Variants in EYS observed in about 807,000 individuals in gnomAD.
EYS encodes the protein EGF-like photoreceptor maintenance factor, also known as protein eyes shut homolog.
A neutral mutation model predicts 282.1 loss-of-function variants in EYS; 250 were observed. That is an observed-to-expected ratio of 0.89 (90% confidence interval 0.80 to 0.98). The LOEUF (loss-of-function observed/expected upper bound fraction) is 0.98. Ranked by LOEUF, EYS falls within the 50% of genes least tolerant of loss-of-function variation. The pLI is 0.00. For synonymous variants in EYS, 1,355 were observed against 1,282.9 expected (o/e 1.06, Z -1.20); for missense variants, 4,016 against 3,709.0 (o/e 1.08, Z -2.15).
intron 5 of EYS, among the ~76,000 whole-genome samples, chr6:65,412,556 C>T (rs975124230): frequency 1.3e-5 from 2 of 151,946 alleles, no homozygotes; most frequent in Admixed American, 6.6e-5. Flanking sequence ...ATTATTGTGG[C>T]CTTAATTTGC....
intron 14 of EYS, among the ~76,000 whole-genome samples, chr6:64,965,157 A>AT (rs1292537399): frequency 2.0e-5 from 3 of 152,200 alleles, no homozygotes; most frequent in Non-Finnish European, 2.9e-5. Flanking sequence ...CAGAAAATTC[A>AT]TGTAGTCTTT....
intron 2 of EYS, among the ~76,000 whole-genome samples, chr6:65,618,779 C>A (rs1251404428): frequency 6.6e-6 from 1 of 152,136 alleles, no homozygotes; most frequent in East Asian, 1.9e-4. Flanking sequence ...TATGGCTAGC[C>A]AGTTTCCCAG....
chr6:64,681,713 C>T (rs1051644274), intron 22 of EYS, among the ~76,000 whole-genome samples: 10 of 152,130 alleles, frequency 6.6e-5, no homozygotes, highest in African/African-American at 2.4e-4. Flanking sequence ...ACAGGAGAGA[C>T]CGACAAGGTT....
intron 30 of EYS, among the ~76,000 whole-genome samples, chr6:64,304,003 C>T (rs1769340764): frequency 6.6e-6 from 1 of 152,154 alleles, no homozygotes; most frequent in Admixed American, 6.5e-5. Flanking sequence ...TTTTGATCAT[C>T]GTGGGTGAAT....
At chr6:64,774,964 G>A (rs985168016) in intron 22 of EYS, among the ~76,000 whole-genome samples, 4 of 151,662 alleles carry the variant, frequency 2.6e-5, no homozygotes, top group Non-Finnish European at 5.9e-5. Context: ...ACTCGTTTTT[G>A]TCACTAGGGA....
chr6:64,671,844 A>G (rs1769472710), intron 22 of EYS, among the ~76,000 whole-genome samples: 1 of 152,166 alleles, frequency 6.6e-6, no homozygotes, highest in South Asian at 2.1e-4. Context: ...TGATATGCAC[A>G]TGATTTTCTA....
chr6:64,975,856 C>G (rs750422352), intron 14 of EYS, among the ~76,000 whole-genome samples: 4 of 151,496 alleles, frequency 2.6e-5, no homozygotes, highest in Admixed American at 6.6e-5. Context: ...AATGAAATGC[C>G]TATTTAAATA....
chr6:65,212,303 G>A (rs528434769), intron 12 of EYS, among the ~76,000 whole-genome samples: 1 of 152,100 alleles, frequency 6.6e-6, no homozygotes, highest in Admixed American at 6.5e-5. Context: ...AGAATGAAAG[G>A]TATTTTCCAG....
chr6:64,288,110 A>G (rs951558897), intron 30 of EYS, among the ~76,000 whole-genome samples: 2 of 152,154 alleles, frequency 1.3e-5, no homozygotes, highest in African/African-American at 4.8e-5. Context: ...TCTTTCATGC[A>G]TTTCATGGAT....
At position 64,827,401 on chromosome 6, in the gene EYS, T is replaced by G. The variant is rs564589972; in HGVS notation, c.2993-4579A>C. Among the ~76,000 whole-genome samples, 3 of 152,004 alleles carry G rather than the reference T, an allele frequency of 2.0e-5. No homozygotes were observed. The South Asian group carries it at 6.2e-4, about 31-fold the overall frequency. ...TTACTGTCTTATCTTCCAAACTTTA[T>G]CACTACTTATTTGAGCTCAGGGATC... On this transcript the variant is annotated intron_variant, in intron 19 of 42. Transcript: ENST00000503581.
chr6:65,329,769 A>C, intron 11 of EYS: 1 of 980,572 alleles, frequency 1.0e-6, no homozygotes, highest in Non-Finnish European at 1.2e-6. Context: ...GAAATAATTT[A>C]AGAAAATCCT....
intron 12 of EYS, among the ~76,000 whole-genome samples, chr6:65,257,886 G>T (rs184170389): frequency 2.0e-5 from 3 of 151,962 alleles, no homozygotes; most frequent in African/African-American, 7.2e-5. Flanking sequence ...GATGGTTAAT[G>T]AGTTCAAAAA....
intron 6 of EYS, among the ~76,000 whole-genome samples, chr6:65,404,188 C>T (rs775243940): frequency 7.9e-5 from 12 of 151,938 alleles, no homozygotes; most frequent in Non-Finnish European, 1.3e-4. Context: ...AAACCAGCCT[C>T]ATTACATCAT....
intron 16 of EYS, among the ~76,000 whole-genome samples, chr6:64,907,132 A>T (rs1767854128): frequency 6.6e-6 from 1 of 152,136 alleles, no homozygotes; most frequent in African/African-American, 2.4e-5. Flanking sequence ...AGCTCACTGT[A>T]ACCTTAAACT....
At chr6:65,139,598 C>T (rs1764273721) in intron 12 of EYS, among the ~76,000 whole-genome samples, 1 of 152,000 alleles carries the variant, frequency 6.6e-6, no homozygotes, top group Non-Finnish European at 1.5e-5. Context: ...AACATTTAAA[C>T]AAATACAGAC....
chr6:64,981,511 A>C (rs1056639881), intron 14 of EYS, among the ~76,000 whole-genome samples: 8 of 151,142 alleles, frequency 5.3e-5, no homozygotes, highest in Non-Finnish European at 1.0e-4. Context: ...CCTTCTTCTA[A>C]CCACCTGGCA....
chr6:64,363,795 TCACA>T (rs1772102395), intron 29 of EYS, among the ~76,000 whole-genome samples: 1 of 151,926 alleles, frequency 6.6e-6, no homozygotes, highest in Non-Finnish European at 1.5e-5. Context: ...TTTAACTTTA[TCACA>T]GCAAAAATAA....
chr6:65,279,418 C>T (rs2150273871), intron 12 of EYS, among the ~76,000 whole-genome samples: 1 of 152,270 alleles, frequency 6.6e-6, no homozygotes, highest in Non-Finnish European at 1.5e-5. Context: ...TATTGCCTCA[C>T]TTTATTTTCC....
At chr6:63,956,864 G>T (rs1317958324) in intron 35 of EYS, among the ~76,000 whole-genome samples, 2 of 151,810 alleles carry the variant, frequency 1.3e-5, no homozygotes, top group African/African-American at 4.8e-5. Context: ...TTTTTTTTTG[G>T]CTTTTAGCCT....
Sources: gnomAD v4.1 joint callset for allele counts (sites outside exome capture counted in the v4.1 genomes callset) on GRCh38, gnomAD v4.1.1 for gene constraint, MANE v1.5 for transcripts, NCBI Gene and HGNC (gene_info 2026-07-23, HGNC 2026-07-21) for gene names.